DOCK5: variants seen among roughly 807,000 people sequenced by gnomAD.
The protein encoded by DOCK5 is dedicator of cytokinesis protein 5.
A neutral mutation model predicts 251.8 loss-of-function variants in DOCK5; 142 were observed. The ratio of observed to expected loss-of-function variants is 0.56; its 90% CI spans 0.49 to 0.65. The LOEUF (loss-of-function observed/expected upper bound fraction) is 0.65, where lower values mean the gene tolerates loss of function less well. Among genes scored for constraint, DOCK5 ranks in the 30% least tolerant of loss-of-function variants. The pLI is 0.00. For missense variants in DOCK5, 2,111 were observed against 2,312.3 expected, an observed-to-expected ratio of 0.91 and a Z score of 1.79; for synonymous variants, 842 against 835.5, an observed-to-expected ratio of 1.01 and a Z score of -0.13.
intron 1 of DOCK5, among the ~76,000 whole-genome samples, chr8:25,236,000 G>A (rs530796673): frequency 7.9e-5 from 12 of 152,036 alleles, no homozygotes; most frequent in South Asian, 2.1e-4. Flanking sequence ...GTTTTACCAT[G>A]TTGGCCAGGC....
intron 7 of DOCK5, among the ~76,000 whole-genome samples, chr8:25,297,868 C>T (rs1310625763): frequency 1.3e-5 from 2 of 151,810 alleles, no homozygotes; most frequent in Admixed American, 1.3e-4. Context: ...CAAATAGTGA[C>T]ATAGTGAGAC....
chr8:25,204,202 G>A (rs540851933), intron 1 of DOCK5, among the ~76,000 whole-genome samples: 3 of 152,020 alleles, frequency 2.0e-5, no homozygotes, highest in South Asian at 4.1e-4. Context: ...AGGAATTATC[G>A]ACTTCATAGT....
At chr8:25,407,386 C>T (rs570632236) in intron 48 of DOCK5, among the ~76,000 whole-genome samples, 2 of 152,242 alleles carry the variant, frequency 1.3e-5, no homozygotes, top group East Asian at 3.9e-4. Context: ...TCTATTGAAT[C>T]TCTTACTTTA....
Position 25,368,211 on chromosome 8 carries a change from G to A in DOCK5, c.3244G>A (p.Glu1082Lys). The A allele has an allele frequency of 6.2e-7, 1 of 1,612,716 alleles. No individual in the cohort carries two copies. Among genetic ancestry groups the A allele is most frequent in the Non-Finnish European group, 8.5e-7 (1 of 1,179,340 alleles). ...IVKKYGDMRK[E>K]IGFRIRDMWY... ...TCCTAGATATGGGGACATGAGAAAGGAAATCGGCTTTAGAATCCGGGACAT... is the reference window on the plus strand; with the variant it reads ...TCCTAGATATGGGGACATGAGAAAGAAAATCGGCTTTAGAATCCGGGACAT... The change falls in exon 32 of 52, where the codon GAA becomes AAA. Residue 1082 changes from glutamate to lysine, a missense_variant. By Grantham distance (56) the Glu-to-Lys change is moderately conservative (BLOSUM62 1). Coordinates refer to ENST00000276440, the MANE Select transcript of DOCK5 (RefSeq NM_024940.8).
chr8:25,315,349 C>G (rs544614909), intron 13 of DOCK5, among the ~76,000 whole-genome samples: 4 of 152,018 alleles, frequency 2.6e-5, no homozygotes, highest in Admixed American at 2.6e-4. Flanking sequence ...TGGTATTGTG[C>G]ATTCACAGAG....
chr8:25,366,991 A>G, intron 31 of DOCK5, 21 bp downstream of exon 31: 1 of 1,592,108 alleles, frequency 6.3e-7, no homozygotes. Flanking sequence ...TTTTAAAGTT[A>G]AGATCGGGAA....
chr8:25,392,070 G>T, intron 43 of DOCK5, 90 bp downstream of exon 43: 1 of 1,181,508 alleles, frequency 8.5e-7, no homozygotes. Context: ...CTGGGAGGCC[G>T]ATGCGGGCGG....
chr8:25,282,743 A>G (rs1369034375), intron 5 of DOCK5, among the ~76,000 whole-genome samples: 1 of 149,870 alleles, frequency 6.7e-6, no homozygotes, highest in Non-Finnish European at 1.5e-5. Flanking sequence ...TAGGCTACTC[A>G]GAAGGCTGAG....
At chr8:25,337,490 CT>C (rs35231103) in intron 22 of DOCK5, among the ~76,000 whole-genome samples, 39,408 of 151,302 alleles carry the variant, frequency 0.26, 6,241 homozygotes, top group African/African-American at 0.45. Context: ...AAAAAAAAAT[CT>C]TATCAGGTAT....
At chr8:25,284,026 C>G (rs79208914) in intron 5 of DOCK5, among the ~76,000 whole-genome samples, 2,612 of 152,202 alleles carry the variant, frequency 0.017, 74 homozygotes, top group African/African-American at 0.056. Context: ...CTGGCTTCTC[C>G]CTTACTGGGT....
chr8:25,332,706 C>A lies in DOCK5; in HGVS notation c.2091+14C>A. On this transcript the variant is annotated intron_variant, in intron 20 of 51. Coordinates refer to ENST00000276440, the MANE Select transcript of DOCK5 (RefSeq NM_024940.8). ...TTTGACGCACTGGTAAGCAGTTAAA[C>A]ATATTAACTAGTGTTTATTGTTGCA... 6.3e-7 allele frequency: 1 copy of A among 1,586,326 alleles called. No homozygotes were observed. The highest frequency in any genetic ancestry group is 8.6e-7 in the Non-Finnish European group (1 of 1,162,952).
At chr8:25,185,947 C>CGGCT (rs1801419000) in intron 1 of DOCK5, among the ~76,000 whole-genome samples, 1 of 152,184 alleles carries the variant, frequency 6.6e-6, no homozygotes, top group African/African-American at 2.4e-5. Flanking sequence ...ACAATAAACA[C>CGGCT]GGCTGAGTGT....
intron 48 of DOCK5, among the ~76,000 whole-genome samples, chr8:25,405,120 C>T (rs1356806725): frequency 1.3e-5 from 2 of 152,014 alleles, no homozygotes; most frequent in Non-Finnish European, 2.9e-5. Context: ...TCTCCTTTAT[C>T]TTTTGACTTC....
rs1446416687 is a variant in DOCK5 at position 25,364,209 on chromosome 8, C to T, written c.3045-417C>T. On this transcript the variant is annotated intron_variant, in intron 29 of 51. Transcript: ENST00000276440. ...GCATTATTATTAACTCTACATGATA[C>T]CCAATTCTGAGTAATTCTACTCTAA... is the stretch of plus-strand genomic sequence containing the variant. 4.6e-5 allele frequency among the ~76,000 whole-genome samples: 7 copies of T among 152,226 alleles called. No homozygotes were observed. In the East Asian group the frequency reaches 1.4e-3, roughly 29 times the overall value.
At chr8:25,193,449 A>T (rs902557129) in intron 1 of DOCK5, among the ~76,000 whole-genome samples, 36 of 151,484 alleles carry the variant, frequency 2.4e-4, no homozygotes, top group Admixed American at 1.8e-3. Flanking sequence ...TTTTAAATAG[A>T]AAAATCACCA....
intron 25 of DOCK5, among the ~76,000 whole-genome samples, chr8:25,342,986 T>A (rs1800271700): frequency 6.6e-6 from 1 of 151,956 alleles, no homozygotes; most frequent in African/African-American, 2.4e-5. Context: ...ATTACAGGCG[T>A]GAGCCACCGC....
At chr8:25,193,994 C>T (rs972472384) in intron 1 of DOCK5, among the ~76,000 whole-genome samples, 3 of 151,674 alleles carry the variant, frequency 2.0e-5, no homozygotes, top group African/African-American at 7.3e-5. Flanking sequence ...TTTCACAAAA[C>T]GATAATTGAA....
intron 41 of DOCK5, 84 bp downstream of exon 41, chr8:25,389,316 G>C: frequency 6.6e-7 from 1 of 1,507,166 alleles, no homozygotes; most frequent in Non-Finnish European, 9.0e-7. Context: ...AGGAGCTACA[G>C]TCCCTTCTCT....
rs955008084 is a variant in DOCK5, at chr8:25,392,741, C to T, written c.4441-55C>T. 20 of 1,449,774 alleles carry T rather than the reference C, an allele frequency of 1.4e-5. No homozygotes were observed. In the African/African-American group the frequency reaches 2.1e-4, roughly 15 times the overall value. The allele number at this position is 1,449,774 out of a possible 1,614,324, so 89.8% of individuals were successfully genotyped here. ...TTTCCCTGGGAATTGACCAACATTT[C>T]ATGTTTTCCTCCTGGGAATTGACCA... On this transcript the variant is annotated intron_variant, in intron 43 of 51. Coordinates refer to ENST00000276440, the MANE Select transcript of DOCK5 (RefSeq NM_024940.8).
Sources: gnomAD v4.1 joint callset for allele counts (sites outside exome capture counted in the v4.1 genomes callset) on GRCh38, gnomAD v4.1.1 for gene constraint, MANE v1.5 for transcripts, NCBI Gene and HGNC (gene_info 2026-07-23, HGNC 2026-07-21) for gene names.